The following TAFA1 variants were observed in gnomAD, a reference collection of about 807,000 sequenced individuals.
The protein encoded by TAFA1 is chemokine-like protein TAFA-1.
A neutral mutation model predicts 18.5 loss-of-function variants in TAFA1; 4 were observed. That is an observed-to-expected ratio of 0.22 (90% confidence interval 0.11 to 0.49). The LOEUF is 0.49. TAFA1 is among the 20% of genes least tolerant of loss of function. The pLI is 0.98. For missense variants in TAFA1, 147 were observed against 169.0 expected (o/e 0.87, Z 0.72); for synonymous variants, 56 against 55.2 (o/e 1.01, Z -0.06).
rs576681609 is a variant in TAFA1 at position 68,132,043 on chromosome 3, C to T, written c.118+125299C>T. ...ATCCCTCCTCTAGCCCCTCATCCCC[C>T]GGACAGGCCCAAGTGTGTGATGTTC... On this transcript the variant is annotated intron_variant, in intron 2 of 4. Coordinates refer to ENST00000478136, the MANE Select transcript of TAFA1 (RefSeq NM_213609.4). 1.3e-3 allele frequency among the ~76,000 whole-genome samples: 205 copies of T among 152,216 alleles called. 2 individuals are homozygous for T. The highest frequency in any genetic ancestry group is 4.5e-3 in the African/African-American group (188 of 41,540).
At chr3:68,498,721 GCTTTTTT>G (rs530953278) in intron 3 of TAFA1, among the ~76,000 whole-genome samples, 10,174 of 100,932 alleles carry the variant, frequency 0.1, 1,110 homozygotes, top group Non-Finnish European at 0.13. Context: ...CCGTTTGGTG[GCTTTTTT>G]TTTTTTTTTT....
At chr3:68,206,488 C>T (rs989250792) in intron 2 of TAFA1, among the ~76,000 whole-genome samples, 1 of 151,740 alleles carries the variant, frequency 6.6e-6, no homozygotes, top group East Asian at 2.0e-4. Context: ...TTATTGAGGT[C>T]TCTTTCAGTT....
chr3:68,286,414 C>G (rs890609304), intron 2 of TAFA1, among the ~76,000 whole-genome samples: 10 of 152,014 alleles, frequency 6.6e-5, no homozygotes, highest in African/African-American at 2.4e-4. Flanking sequence ...ATGTCAGGCT[C>G]TCTCTGAAGT....
At chr3:68,358,083 G>A (rs2069398364) in intron 2 of TAFA1, among the ~76,000 whole-genome samples, 1 of 151,844 alleles carries the variant, frequency 6.6e-6, no homozygotes, top group Non-Finnish European at 1.5e-5. Context: ...CATTCAACAA[G>A]GCTGTTTATT....
intron 2 of TAFA1, among the ~76,000 whole-genome samples, chr3:68,063,850 A>G (rs2064636957): frequency 6.6e-6 from 1 of 152,210 alleles, no homozygotes; most frequent in Non-Finnish European, 1.5e-5. Context: ...AAAGGAGTCC[A>G]TGGCACAAGG....
At chr3:68,135,569 C>T (rs1050213835) in intron 2 of TAFA1, among the ~76,000 whole-genome samples, 2 of 152,192 alleles carry the variant, frequency 1.3e-5, no homozygotes, top group African/African-American at 4.8e-5. Context: ...TATTTTCTTG[C>T]TTGTAAACCA....
chr3:68,089,090 G>T (rs371718909), intron 2 of TAFA1, among the ~76,000 whole-genome samples: 1 of 152,106 alleles, frequency 6.6e-6, no homozygotes, highest in South Asian at 2.1e-4. Flanking sequence ...GGTTTTGCAC[G>T]TGCTATGCTT....
chr3:68,139,489 T>A (rs555437238), intron 2 of TAFA1, among the ~76,000 whole-genome samples: 17 of 152,310 alleles, frequency 1.1e-4, no homozygotes, highest in Non-Finnish European at 2.4e-4. Flanking sequence ...GTGGGTCTTG[T>A]TATAATAAAG....
intron 2 of TAFA1, among the ~76,000 whole-genome samples, chr3:68,367,295 C>G (rs1443068470): frequency 6.6e-6 from 1 of 152,202 alleles, no homozygotes; most frequent in Non-Finnish European, 1.5e-5. Flanking sequence ...CTTCAGTAAT[C>G]TCAACCTGTT....
chr3:67,993,130 C>T, the TAFA1 span, among the ~76,000 whole-genome samples: 1 of 152,198 alleles, frequency 6.6e-6, no homozygotes, highest in African/African-American at 2.4e-5. Context: ...TAGGAAAGAA[C>T]CTAGTCCACA....
At chr3:68,194,538 TTAAC>T (rs752930028) in intron 2 of TAFA1, among the ~76,000 whole-genome samples, 31 of 151,882 alleles carry the variant, frequency 2.0e-4, no homozygotes, top group African/African-American at 5.1e-4. Flanking sequence ...CTAAAAAAAT[TTAAC>T]TAAATAATAT....
chr3:68,338,899 T>A (rs991829691), intron 2 of TAFA1, among the ~76,000 whole-genome samples: 6 of 152,318 alleles, frequency 3.9e-5, no homozygotes, highest in African/African-American at 1.4e-4. Flanking sequence ...TGCTGTAGAT[T>A]GGATTCAAGT....
chr3:68,137,258 T>C (rs1466193663), intron 2 of TAFA1, among the ~76,000 whole-genome samples: 5 of 152,160 alleles, frequency 3.3e-5, no homozygotes, highest in Non-Finnish European at 5.9e-5. Context: ...TTTTTTTCTT[T>C]TAGTTCCCAA....
intron 2 of TAFA1, among the ~76,000 whole-genome samples, chr3:68,281,111 A>G (rs2067890035): frequency 1.3e-5 from 2 of 152,110 alleles, no homozygotes; most frequent in Admixed American, 1.3e-4. Context: ...ATTTTACAAT[A>G]AGTTATCATT....
chr3:68,082,210 G>C (rs563032667), intron 2 of TAFA1, among the ~76,000 whole-genome samples: 9 of 152,130 alleles, frequency 5.9e-5, no homozygotes, highest in African/African-American at 1.9e-4. Flanking sequence ...TGCGCCCACT[G>C]TCTGGCACTC....
rs1325712330 is a variant in TAFA1 at position 68,120,652 on chromosome 3, G to C, written c.118+113908G>C. Among the ~76,000 whole-genome samples, 3 of 152,102 alleles carry C rather than the reference G, an allele frequency of 2.0e-5. 1 individual carries two copies. In the South Asian group the frequency reaches 6.2e-4, roughly 32 times the overall value. On this transcript the variant is annotated intron_variant, in intron 2 of 4. Coordinates refer to ENST00000478136, the MANE Select transcript of TAFA1 (RefSeq NM_213609.4). ...GAGGTTCACAAACTTAAAGAAAAGG[G>C]CCACATGAAGAGAAAGCACTACCTA...
intron 2 of TAFA1, among the ~76,000 whole-genome samples, chr3:68,265,046 A>C (rs573328323): frequency 6.6e-6 from 1 of 152,232 alleles, no homozygotes; most frequent in Non-Finnish European, 1.5e-5. Flanking sequence ...TGAAATTTAA[A>C]AACTCATATA....
At chr3:68,253,206 A>C (rs2067230153) in intron 2 of TAFA1, among the ~76,000 whole-genome samples, 1 of 152,222 alleles carries the variant, frequency 6.6e-6, no homozygotes, top group Non-Finnish European at 1.5e-5. Context: ...TAGAAAAAAT[A>C]GCTGGACATA....
chr3:68,259,022 C>T (rs981489882), intron 2 of TAFA1, among the ~76,000 whole-genome samples: 2 of 152,174 alleles, frequency 1.3e-5, no homozygotes, highest in Non-Finnish European at 2.9e-5. Flanking sequence ...CAAAGGCACA[C>T]GTGGGCAGGG....
Sources: allele counts gnomAD v4.1 joint callset (sites outside exome capture counted in the v4.1 genomes callset), GRCh38; gene constraint gnomAD v4.1.1; transcripts MANE v1.5; gene names NCBI Gene and HGNC (gene_info 2026-07-23, HGNC 2026-07-21).